Variants in PLCL1 observed in about 807,000 individuals in gnomAD.
The protein encoded by PLCL1 is inactive phospholipase C-like protein 1.
A neutral mutation model predicts 84.4 loss-of-function variants in PLCL1; 41 were observed. That is an observed-to-expected ratio of 0.49 (90% CI 0.38 to 0.63). PLCL1 has a LOEUF of 0.63. Among genes scored for constraint, PLCL1 ranks in the 30% least tolerant of loss-of-function variants. The pLI is 0.00. For synonymous variants in PLCL1, 490 were observed against 488.3 expected (o/e 1.00, Z -0.05); for missense variants, 1,206 against 1,367.8 (o/e 0.88, Z 1.87).
chr2:198,095,751 G>T (rs1196102009), intron 3 of PLCL1, among the ~76,000 whole-genome samples: 2 of 152,258 alleles, frequency 1.3e-5, no homozygotes, highest in African/African-American at 4.8e-5. Flanking sequence ...AAACTAGTTT[G>T]TTTGAATTGG....
chr2:197,869,739 A>T (rs1007082081), intron 1 of PLCL1, among the ~76,000 whole-genome samples: 1 of 152,152 alleles, frequency 6.6e-6, no homozygotes, highest in African/African-American at 2.4e-5. Context: ...ATGTTATCCT[A>T]GTGTTTGGTT....
intron 1 of PLCL1, among the ~76,000 whole-genome samples, chr2:197,897,168 CTTCTTCTTCTT>C (rs1688158725): frequency 3.2e-5 from 1 of 31,420 alleles, no homozygotes; most frequent in Non-Finnish European, 5.7e-5. Flanking sequence ...TCTTCTTCTT[CTTCTTCTTCTT>C]CTTCTTCTTC....
chr2:197,912,667 C>T (rs1688505635), intron 1 of PLCL1, among the ~76,000 whole-genome samples: 1 of 147,146 alleles, frequency 6.8e-6, no homozygotes, highest in East Asian at 2.2e-4. Context: ...AATTGGAAAT[C>T]ATCATTCTCA....
At chr2:197,885,950 A>G (rs1382582424) in intron 1 of PLCL1, among the ~76,000 whole-genome samples, 1 of 152,218 alleles carries the variant, frequency 6.6e-6, no homozygotes, top group African/African-American at 2.4e-5. Context: ...TGAGGGAAAG[A>G]GACTATGGCC....
At chr2:197,891,123 G>T (rs1452759537) in intron 1 of PLCL1, among the ~76,000 whole-genome samples, 1 of 151,882 alleles carries the variant, frequency 6.6e-6, no homozygotes, top group Non-Finnish European at 1.5e-5. Flanking sequence ...TGTGCTAGGT[G>T]TTGGAGATAC....
At chr2:197,890,625 G>A (rs1687996570) in intron 1 of PLCL1, among the ~76,000 whole-genome samples, 1 of 148,356 alleles carries the variant, frequency 6.7e-6, no homozygotes, top group South Asian at 2.1e-4. Flanking sequence ...ACATTTTGGT[G>A]TATATTCTCC....
chr2:197,861,767 A>C (rs1359632823), intron 1 of PLCL1, among the ~76,000 whole-genome samples: 1 of 151,950 alleles, frequency 6.6e-6, no homozygotes, highest in Non-Finnish European at 1.5e-5. Context: ...TATGGGGGGG[A>C]ACCCCTACCC....
At chr2:198,009,625 C>T (rs1690818142) in intron 1 of PLCL1, among the ~76,000 whole-genome samples, 2 of 151,998 alleles carry the variant, frequency 1.3e-5, no homozygotes, top group African/African-American at 4.8e-5. Flanking sequence ...TGTGATGCCT[C>T]TGACTTTGTT....
chr2:197,951,316 G>A (rs1043747808), intron 1 of PLCL1, among the ~76,000 whole-genome samples: 3 of 152,136 alleles, frequency 2.0e-5, no homozygotes, highest in African/African-American at 4.8e-5. Context: ...AATGACTCGA[G>A]TGTCCAGTGG....
At chr2:198,054,981 T>C (rs1334351053) in intron 1 of PLCL1, among the ~76,000 whole-genome samples, 2 of 152,096 alleles carry the variant, frequency 1.3e-5, no homozygotes, top group East Asian at 3.9e-4. Context: ...TAAAAACATT[T>C]TGGCAAATCA....
intron 1 of PLCL1, among the ~76,000 whole-genome samples, chr2:198,031,824 A>G (rs903349002): frequency 6.6e-6 from 1 of 152,058 alleles, no homozygotes; most frequent in Non-Finnish European, 1.5e-5. Flanking sequence ...AAATGACTTA[A>G]TATTACTTGT....
chr2:198,058,909 A>G (rs1459215289), intron 1 of PLCL1, among the ~76,000 whole-genome samples: 2 of 152,214 alleles, frequency 1.3e-5, no homozygotes, highest in Non-Finnish European at 2.9e-5. Flanking sequence ...AGAGCAGGAT[A>G]TGACTTTCAT....
At chr2:198,023,370 A>G (rs1691185118) in intron 1 of PLCL1, among the ~76,000 whole-genome samples, 1 of 152,240 alleles carries the variant, frequency 6.6e-6, no homozygotes, top group Admixed American at 6.5e-5. Flanking sequence ...CACCAAAAGC[A>G]ATTGCAACAA....
chr2:198,085,960 C>A lies in PLCL1; in HGVS notation c.2443C>A (p.Pro815Thr). 1 of 1,614,038 alleles carries A rather than the reference C, an allele frequency of 6.2e-7. No individual in the cohort carries two copies. Among genetic ancestry groups the A allele is most frequent in the Middle Eastern group, 1.6e-4 (1 of 6,062 alleles). ...TGAGTTTATAGGGCAATATACGATACCATTTGAATGTTTGCAGCCTGGATA... is the reference window on the plus strand; with the variant it reads ...TGAGTTTATAGGGCAATATACGATAACATTTGAATGTTTGCAGCCTGGATA... ...GDEFIGQYTI[P>T]FECLQPGYRH... Residue 815 changes from proline to threonine, a missense_variant, in exon 2 of 6, where the codon CCA becomes ACA. Coordinates refer to ENST00000428675, the MANE Select transcript of PLCL1 (RefSeq NM_006226.4). This position sits in a 1 kb window ranked among gnomAD's most constrained non-coding sequence, Gnocchi z 5.3.
At chr2:197,813,323 T>C (rs564937141) in intron 1 of PLCL1, among the ~76,000 whole-genome samples, 6 of 152,176 alleles carry the variant, frequency 3.9e-5, no homozygotes, top group South Asian at 2.1e-4. Context: ...ACTTGCAGTT[T>C]CTTAATCATT....
At chr2:197,949,365 T>C (rs1366402553) in intron 1 of PLCL1, among the ~76,000 whole-genome samples, 2 of 152,156 alleles carry the variant, frequency 1.3e-5, no homozygotes, top group Non-Finnish European at 2.9e-5. Context: ...CTGAAGGTTA[T>C]GAAATGGACA....
chr2:198,143,568 T>C (rs1181517599), intron 5 of PLCL1, among the ~76,000 whole-genome samples: 1 of 152,064 alleles, frequency 6.6e-6, no homozygotes, highest in Non-Finnish European at 1.5e-5. Context: ...GAGAAAGAGA[T>C]TGCTAGATGA....
intron 1 of PLCL1, among the ~76,000 whole-genome samples, chr2:197,999,830 T>C (rs1690557682): frequency 6.6e-6 from 1 of 152,158 alleles, no homozygotes; most frequent in Non-Finnish European, 1.5e-5. Flanking sequence ...TCCTACATAT[T>C]GTATATGTAA....
At chr2:197,927,208 T>C (rs145455256) in intron 1 of PLCL1, among the ~76,000 whole-genome samples, 2 of 152,214 alleles carry the variant, frequency 1.3e-5, no homozygotes, top group African/African-American at 4.8e-5. Context: ...TCACAGTTAT[T>C]GTCAGAGGGG....
Sources: gnomAD v4.1 joint callset for allele counts (sites outside exome capture counted in the v4.1 genomes callset) on GRCh38, gnomAD v4.1.1 for gene constraint, Gnocchi (gnomAD v3.1) non-coding constraint, MANE v1.5 for transcripts, NCBI Gene and HGNC (gene_info 2026-07-23, HGNC 2026-07-21) for gene names.